PRKCE: variants seen among roughly 807,000 people sequenced by gnomAD.
The protein encoded by PRKCE is protein kinase C epsilon.
In PRKCE, 16 loss-of-function variants were observed where a neutral mutation model predicts 85.4. The observed-to-expected ratio is 0.19, with a 90% confidence interval of 0.13 to 0.28. The LOEUF (loss-of-function observed/expected upper bound fraction) is 0.28, where lower values mean the gene tolerates loss of function less well. PRKCE is among the 10% of genes least tolerant of loss of function. PRKCE has a pLI of 1.00. For missense variants in PRKCE, 573 were observed against 975.2 expected (o/e 0.59, Z 5.49); for synonymous variants, 388 against 371.5 (o/e 1.04, Z -0.51).
At chr2:45,912,486 G>A (rs951849160) in intron 2 of PRKCE, among the ~76,000 whole-genome samples, 4 of 152,126 alleles carry the variant, frequency 2.6e-5, no homozygotes, top group Admixed American at 6.5e-5. Flanking sequence ...GGGGGCTGGG[G>A]TTCTGCCACA....
intron 10 of PRKCE, among the ~76,000 whole-genome samples, chr2:46,082,494 G>T (rs1193328117): frequency 3.3e-5 from 5 of 152,148 alleles, no homozygotes; most frequent in Admixed American, 6.5e-5. Flanking sequence ...TTGGGCTTGA[G>T]TGCCTTTGGG....
At chr2:45,685,757 G>A (rs1361463884) in intron 1 of PRKCE, 1 of 152,456 alleles carries the variant, frequency 6.6e-6, no homozygotes, top group Admixed American at 6.5e-5. Context: ...GGTAGAATGT[G>A]ACTCAGGCTT....
chr2:46,016,707 G>A (rs527436484), intron 10 of PRKCE, among the ~76,000 whole-genome samples: 43 of 152,126 alleles, frequency 2.8e-4, no homozygotes, highest in African/African-American at 1.0e-3. Flanking sequence ...TCAGGAATTC[G>A]AGACCAGCCT....
intron 1 of PRKCE, among the ~76,000 whole-genome samples, chr2:45,667,319 A>T (rs930638440): frequency 1.1e-4 from 17 of 151,400 alleles, no homozygotes; most frequent in Non-Finnish European, 1.6e-4. Flanking sequence ...TCAAAAAAAA[A>T]TTTTTTTTTA....
chr2:45,662,507 G>A (rs1223509483), intron 1 of PRKCE, among the ~76,000 whole-genome samples: 1 of 152,046 alleles, frequency 6.6e-6, no homozygotes, highest in Non-Finnish European at 1.5e-5. Context: ...TCCCAGCTGT[G>A]AAATCAGGAG....
intron 1 of PRKCE, among the ~76,000 whole-genome samples, chr2:45,840,793 G>A (rs1691283728): frequency 6.6e-6 from 1 of 152,192 alleles, no homozygotes; most frequent in African/African-American, 2.4e-5. Flanking sequence ...TTGTGTGTGG[G>A]GTGAGACGTT....
chr2:46,136,383 C>T (rs1675003697), intron 11 of PRKCE, among the ~76,000 whole-genome samples: 1 of 152,206 alleles, frequency 6.6e-6, no homozygotes, highest in Non-Finnish European at 1.5e-5. Context: ...AGTTTTCTGG[C>T]TGTTATTCTT....
Position 46,066,145 on chromosome 2 carries a change from A to AG in PRKCE, c.1438-20059dup, listed in dbSNP as rs1667607478. 2.0e-5 allele frequency among the ~76,000 whole-genome samples: 3 copies of AG among 152,202 alleles called. No individual in the cohort carries two copies. The South Asian group carries it at 6.2e-4, about 32-fold the overall frequency. ...CTAGAGGAAAGACACAGAAGTGGTG[A>AG]GGGGTTGCAGGGGCTGTAGCGTGGT... On this transcript the variant is annotated intron_variant, in intron 10 of 14. Coordinates refer to ENST00000306156, the MANE Select transcript of PRKCE (RefSeq NM_005400.3).
chr2:45,999,962 A>T (rs1038542772), intron 6 of PRKCE, among the ~76,000 whole-genome samples: 4 of 152,078 alleles, frequency 2.6e-5, no homozygotes, highest in Non-Finnish European at 4.4e-5. Context: ...CTTTCTTAGC[A>T]TTTCCATCTC....
At chr2:45,857,088 A>G (rs932965180) in intron 2 of PRKCE, among the ~76,000 whole-genome samples, 2 of 152,190 alleles carry the variant, frequency 1.3e-5, no homozygotes, top group Non-Finnish European at 2.9e-5. Context: ...TTGCTGGATC[A>G]TATGGTAGTT....
chr2:46,169,562 G>A (rs1361540812), intron 14 of PRKCE, among the ~76,000 whole-genome samples: 2 of 152,128 alleles, frequency 1.3e-5, no homozygotes, highest in Non-Finnish European at 2.9e-5. Flanking sequence ...GCTAGGCCAG[G>A]GAACTATGAA....
chr2:46,117,227 T>C (rs1460285853), intron 11 of PRKCE, among the ~76,000 whole-genome samples: 1 of 152,230 alleles, frequency 6.6e-6, no homozygotes, highest in Non-Finnish European at 1.5e-5. Context: ...AAATGAGTAT[T>C]GTCCTCTCCT....
chr2:45,931,206 T>C (rs13011605), intron 2 of PRKCE, among the ~76,000 whole-genome samples: 9,732 of 152,326 alleles, frequency 0.064, 415 homozygotes, highest in Middle Eastern at 0.14. Context: ...ATTTAATTTA[T>C]TGTTATGTAA....
chr2:46,065,631 T>A (rs1667562098), intron 10 of PRKCE, among the ~76,000 whole-genome samples: 1 of 152,200 alleles, frequency 6.6e-6, no homozygotes, highest in Non-Finnish European at 1.5e-5. Context: ...GTTCTAAAAT[T>A]ACATACTTCT....
intron 11 of PRKCE, among the ~76,000 whole-genome samples, chr2:46,120,731 G>A (rs554809551): frequency 1.3e-5 from 2 of 152,242 alleles, no homozygotes; most frequent in South Asian, 4.1e-4. Flanking sequence ...TACTCAACAC[G>A]TTTTTGTAAC....
At chr2:45,665,938 TC>T (rs1208838524) in intron 1 of PRKCE, among the ~76,000 whole-genome samples, 2 of 152,226 alleles carry the variant, frequency 1.3e-5, no homozygotes, top group South Asian at 2.1e-4. Context: ...TTAAAATAAT[TC>T]CAGCCTTGGT....
At chr2:45,834,335 T>C (rs950191527) in intron 1 of PRKCE, among the ~76,000 whole-genome samples, 11 of 152,210 alleles carry the variant, frequency 7.2e-5, no homozygotes, top group Non-Finnish European at 1.3e-4. Flanking sequence ...GTCTGGGGGA[T>C]TGGAGATTAT....
chr2:45,825,540 C>G (rs1003169421), intron 1 of PRKCE, among the ~76,000 whole-genome samples: 1 of 152,140 alleles, frequency 6.6e-6, no homozygotes, highest in African/African-American at 2.4e-5. Context: ...AAAGTGCAGA[C>G]AGTTAGTTCA....
intron 1 of PRKCE, among the ~76,000 whole-genome samples, chr2:45,798,448 C>A (rs1687606488): frequency 1.3e-5 from 2 of 152,140 alleles, no homozygotes; most frequent in African/African-American, 4.8e-5. Flanking sequence ...TGTGGGACCT[C>A]CTGTAGGCGC....
Sources: gnomAD v4.1 joint callset for allele counts (sites outside exome capture counted in the v4.1 genomes callset) on GRCh38, gnomAD v4.1.1 for gene constraint, MANE v1.5 for transcripts, NCBI Gene and HGNC (gene_info 2026-07-23, HGNC 2026-07-21) for gene names.